The following IMMP2L variants were observed in gnomAD, a reference collection of about 807,000 sequenced individuals.
The protein encoded by IMMP2L is inner mitochondrial membrane peptidase subunit 2.
Under a neutral mutation model 19.3 loss-of-function variants are expected in IMMP2L, and 18 were observed. The observed-to-expected ratio is 0.93, with a 90% confidence interval of 0.64 to 1.38. The LOEUF is 1.38. Among genes scored for constraint, IMMP2L ranks in the 40% most tolerant of loss-of-function variants. The pLI is 0.00. For synonymous variants in IMMP2L, 76 were observed against 73.0 expected (o/e 1.04, Z -0.21); for missense variants, 233 against 218.2 (o/e 1.07, Z -0.43).
chr7:110,898,158 C>T (rs1259014488), intron 4 of IMMP2L, among the ~76,000 whole-genome samples: 1 of 151,014 alleles, frequency 6.6e-6, no homozygotes, highest in Non-Finnish European at 1.5e-5. Context: ...TTTATATATA[C>T]ATATATAAAT....
At chr7:111,490,075 C>T (rs983650303) in intron 2 of IMMP2L, among the ~76,000 whole-genome samples, 3 of 150,072 alleles carry the variant, frequency 2.0e-5, no homozygotes, top group South Asian at 2.1e-4. Flanking sequence ...TCATTACACA[C>T]GTGAGCCACC....
At chr7:110,763,742 G>C (rs1357690866) in intron 5 of IMMP2L, among the ~76,000 whole-genome samples, 1 of 152,060 alleles carries the variant, frequency 6.6e-6, no homozygotes, top group Non-Finnish European at 1.5e-5. Flanking sequence ...TTTCAAATAA[G>C]GGCCATTTTA....
At chr7:111,484,182 C>T (rs1009923790) in intron 3 of IMMP2L, among the ~76,000 whole-genome samples, 1 of 152,126 alleles carries the variant, frequency 6.6e-6, no homozygotes, top group African/African-American at 2.4e-5. Context: ...TAAAACACTA[C>T]TTTTACTGCA....
chr7:110,681,306 C>A (rs1443349963), intron 5 of IMMP2L, among the ~76,000 whole-genome samples: 1 of 151,960 alleles, frequency 6.6e-6, no homozygotes, highest in Non-Finnish European at 1.5e-5. Context: ...AGGTATAGAA[C>A]CCTAGAAATT....
chr7:111,013,121 A>T (rs2129564014), intron 3 of IMMP2L, among the ~76,000 whole-genome samples: 1 of 152,234 alleles, frequency 6.6e-6, no homozygotes, highest in Non-Finnish European at 1.5e-5. Context: ...CCCCTAGATA[A>T]AGATTATATA....
At chr7:111,044,232 T>C (rs570281806) in intron 3 of IMMP2L, among the ~76,000 whole-genome samples, 11 of 152,108 alleles carry the variant, frequency 7.2e-5, no homozygotes, top group Non-Finnish European at 1.0e-4. Context: ...TAAATCAACA[T>C]TGCCTTTGAT....
chr7:111,495,063 T>C (rs905687191), intron 2 of IMMP2L, among the ~76,000 whole-genome samples: 5 of 152,136 alleles, frequency 3.3e-5, no homozygotes, highest in Non-Finnish European at 5.9e-5. Flanking sequence ...TAATTAGTTA[T>C]GAATACCTAT....
At chr7:110,968,081 G>A (rs4730470) in intron 3 of IMMP2L, among the ~76,000 whole-genome samples, 97,862 of 151,698 alleles carry the variant, frequency 0.65, 32,466 homozygotes, top group African/African-American at 0.79. Context: ...GGACTGGAGA[G>A]AAATGGAAAT....
At chr7:111,251,070 C>G (rs1043472955) in intron 3 of IMMP2L, among the ~76,000 whole-genome samples, 2 of 152,042 alleles carry the variant, frequency 1.3e-5, no homozygotes, top group Non-Finnish European at 2.9e-5. Context: ...CAAACAACCC[C>G]ATTTAAAAGT....
intron 5 of IMMP2L, among the ~76,000 whole-genome samples, chr7:110,721,771 A>G (rs1001789870): frequency 6.6e-6 from 1 of 152,168 alleles, no homozygotes; most frequent in African/African-American, 2.4e-5. Context: ...GATCATATAG[A>G]AAACTCGTGT....
chr7:111,234,197 G>C (rs1318094407), intron 3 of IMMP2L, among the ~76,000 whole-genome samples: 1 of 152,024 alleles, frequency 6.6e-6, no homozygotes. Context: ...TTAGAGGAGA[G>C]TCATTTAATT....
chr7:111,481,233 G>C (rs1157203977), intron 3 of IMMP2L, among the ~76,000 whole-genome samples: 6 of 152,092 alleles, frequency 3.9e-5, no homozygotes, highest in Non-Finnish European at 8.8e-5. Context: ...TTCAACTACA[G>C]AAATGGGAGT....
At chr7:111,482,734 AG>A in intron 3 of IMMP2L, among the ~76,000 whole-genome samples, 1 of 152,270 alleles carries the variant, frequency 6.6e-6, no homozygotes, top group South Asian at 2.1e-4. Flanking sequence ...CTAGTCAGAC[AG>A]AGTTTCTCCT....
chr7:111,419,129 A>C (rs1171999155), intron 3 of IMMP2L, among the ~76,000 whole-genome samples: 4 of 151,852 alleles, frequency 2.6e-5, no homozygotes, highest in African/African-American at 9.7e-5. Context: ...TAATTGCCTT[A>C]CTTGCTGCTG....
chr7:111,203,308 G>C (rs1325191492), intron 3 of IMMP2L, among the ~76,000 whole-genome samples: 1 of 151,892 alleles, frequency 6.6e-6, no homozygotes, highest in Non-Finnish European at 1.5e-5. Flanking sequence ...AAACAAAACA[G>C]ATACCAGTCC....
intron 3 of IMMP2L, among the ~76,000 whole-genome samples, chr7:111,291,662 G>T (rs1348766240): frequency 6.6e-6 from 1 of 152,170 alleles, no homozygotes; most frequent in Non-Finnish European, 1.5e-5. Flanking sequence ...CAGTTAGAGG[G>T]AATAAGCCTT....
intron 3 of IMMP2L, among the ~76,000 whole-genome samples, chr7:111,190,374 A>G (rs1399077300): frequency 9.9e-5 from 15 of 152,074 alleles, no homozygotes; most frequent in Non-Finnish European, 2.9e-5. Context: ...AACATGCTAA[A>G]TGTATATTAC....
chr7:111,138,458 C>T (rs1048610756), intron 3 of IMMP2L, among the ~76,000 whole-genome samples: 1 of 152,162 alleles, frequency 6.6e-6, no homozygotes, highest in East Asian at 1.9e-4. Flanking sequence ...AAGGAAGTAG[C>T]TTGTCTTTCT....
At chr7:111,028,647 T>A (rs150477103) in intron 3 of IMMP2L, among the ~76,000 whole-genome samples, 1 of 152,274 alleles carries the variant, frequency 6.6e-6, no homozygotes, top group Admixed American at 6.5e-5. Context: ...AATTTCAAGA[T>A]GGGCCTCATT....
Sources: gnomAD v4.1 joint callset for allele counts (sites outside exome capture counted in the v4.1 genomes callset) on GRCh38, gnomAD v4.1.1 for gene constraint, MANE v1.5 for transcripts, NCBI Gene and HGNC (gene_info 2026-07-23, HGNC 2026-07-21) for gene names.